Variants in ST3GAL3 observed in about 807,000 individuals in gnomAD.
ST3GAL3 encodes the protein ST3 beta-galactoside alpha-2,3-sialyltransferase 3.
A neutral mutation model predicts 50.1 loss-of-function variants in ST3GAL3; 21 were observed. That is an observed-to-expected ratio of 0.42 (90% CI 0.30 to 0.60). ST3GAL3 has a LOEUF of 0.60. Ranked by LOEUF, ST3GAL3 falls within the 20% of genes least tolerant of loss-of-function variation. The pLI is 0.19. For missense variants in ST3GAL3, 353 were observed against 489.4 expected (o/e 0.72, Z 2.63); for synonymous variants, 183 against 190.0 (o/e 0.96, Z 0.30).
intron 1 of ST3GAL3, among the ~76,000 whole-genome samples, chr1:43,725,836 G>A (rs1183487977): frequency 2.0e-5 from 3 of 151,854 alleles, no homozygotes; most frequent in African/African-American, 7.3e-5. Context: ...TTGTAGAGAC[G>A]GTTTCGCTAT....
intron 3 of ST3GAL3, among the ~76,000 whole-genome samples, chr1:43,807,283 G>A (rs1440871925): frequency 1.3e-5 from 2 of 152,048 alleles, no homozygotes; most frequent in African/African-American, 4.8e-5. Flanking sequence ...GGGCGTGGTG[G>A]CACACCCCTG....
chr1:43,762,776 T>A (rs544796137), intron 2 of ST3GAL3, among the ~76,000 whole-genome samples: 1 of 152,152 alleles, frequency 6.6e-6, no homozygotes, highest in Admixed American at 6.5e-5. Flanking sequence ...AGAAAACTGA[T>A]AGCTGGAAGA....
chr1:43,858,117 T>C (rs1380055438), intron 5 of ST3GAL3: 2 of 1,289,382 alleles, frequency 1.6e-6, no homozygotes, highest in Admixed American at 4.6e-5. Flanking sequence ...CTTCCTCATC[T>C]GTACCTATCT....
intron 2 of ST3GAL3, among the ~76,000 whole-genome samples, chr1:43,779,855 C>T (rs1197428925): frequency 6.6e-6 from 1 of 152,098 alleles, no homozygotes; most frequent in Non-Finnish European, 1.5e-5. Flanking sequence ...CTAATTCAAC[C>T]CTAAACTCTT....
intron 10 of ST3GAL3, 116 bp downstream of exon 10, chr1:43,920,666 G>A: frequency 6.2e-7 from 1 of 1,605,950 alleles, no homozygotes; most frequent in Non-Finnish European, 8.5e-7. Flanking sequence ...CTGGGGAAGA[G>A]GGCTCAGTCC....
At chr1:43,739,838 G>C (rs1680064019) in intron 2 of ST3GAL3, among the ~76,000 whole-genome samples, 1 of 152,072 alleles carries the variant, frequency 6.6e-6, no homozygotes, top group Non-Finnish European at 1.5e-5. Flanking sequence ...GCTTGGTCAG[G>C]TTGCCAAGAC....
At chr1:43,748,360 T>G (rs553071929) in intron 2 of ST3GAL3, among the ~76,000 whole-genome samples, 1 of 151,228 alleles carries the variant, frequency 6.6e-6, no homozygotes, top group South Asian at 2.1e-4. Flanking sequence ...TAAAGACATC[T>G]AAATAAGGAG....
intron 11 of ST3GAL3, 29 bp from the exon 12 acceptor site, chr1:43,930,103 C>G: frequency 6.2e-7 from 1 of 1,607,340 alleles, no homozygotes; most frequent in Non-Finnish European, 8.5e-7. Flanking sequence ...GAGCAAAGGC[C>G]CAACTGATCA....
At chr1:43,868,107 G>A (rs1233682140) in intron 5 of ST3GAL3, among the ~76,000 whole-genome samples, 4 of 152,100 alleles carry the variant, frequency 2.6e-5, no homozygotes, top group African/African-American at 9.7e-5. Context: ...CAAAAAACTG[G>A]AAACACCCTA....
intron 3 of ST3GAL3, among the ~76,000 whole-genome samples, chr1:43,800,297 A>T (rs2059171349): frequency 6.6e-6 from 1 of 152,208 alleles, no homozygotes; most frequent in Non-Finnish European, 1.5e-5. Context: ...ATTTTAGAAA[A>T]ATGCTTTTCC....
intron 1 of ST3GAL3, chr1:43,720,426 A>G (rs1669846280): frequency 6.6e-6 from 1 of 152,218 alleles, no homozygotes. Flanking sequence ...TACTATAACA[A>G]TAGCTAAGAC....
intron 6 of ST3GAL3, among the ~76,000 whole-genome samples, chr1:43,895,483 G>A (rs2077263351): frequency 6.6e-6 from 1 of 152,218 alleles, no homozygotes; most frequent in South Asian, 2.1e-4. Flanking sequence ...TTTACTAGCT[G>A]TGACCCTGGA....
At position 43,869,378 on chromosome 1, in the gene ST3GAL3, C is replaced by T. The variant is rs541974021; in HGVS notation, c.303-25005C>T. The stretch of plus-strand genomic sequence containing the variant: ...ATGTCTCTTGCCAGACATCTCTGCC[C>T]GTATAGGGTATCATAAAGGGCCCCT... On this transcript the variant is annotated intron_variant, in intron 5 of 11. Transcript: ENST00000347631. Among the ~76,000 whole-genome samples the T allele has an allele frequency of 3.9e-5, 6 of 152,226 alleles. No individual in the cohort carries two copies. The East Asian group carries it at 5.8e-4, about 15-fold the overall frequency.
chr1:43,744,540 G>A (rs1435575815), intron 2 of ST3GAL3, among the ~76,000 whole-genome samples: 2 of 151,578 alleles, frequency 1.3e-5, no homozygotes, highest in East Asian at 1.9e-4. Flanking sequence ...CACACCTGGC[G>A]GCATCATCTT....
At chr1:43,926,327 G>A (rs967102245) in intron 11 of ST3GAL3, among the ~76,000 whole-genome samples, 34 of 152,186 alleles carry the variant, frequency 2.2e-4, no homozygotes, top group Admixed American at 2.0e-4. Flanking sequence ...GGTCCCTCAC[G>A]CCTGTAATCC....
chr1:43,911,737 G>C (rs1344183636), intron 9 of ST3GAL3: 3 of 150,956 alleles, frequency 2.0e-5, no homozygotes, highest in Non-Finnish European at 4.4e-5. Flanking sequence ...ACCCAGGCTG[G>C]AGTGCAGTGG....
intron 4 of ST3GAL3, among the ~76,000 whole-genome samples, chr1:43,816,004 G>A (rs1229447324): frequency 1.3e-5 from 2 of 152,086 alleles, no homozygotes; most frequent in East Asian, 1.9e-4. Flanking sequence ...TACTCTGTGT[G>A]TTCATGTCCC....
Position 43,917,495 on chromosome 1 carries a change from T to C in ST3GAL3, c.745-2909T>C, listed in dbSNP as rs1252160004. On this transcript the variant is annotated intron_variant, in intron 9 of 11. Coordinates refer to ENST00000347631, the MANE Select transcript of ST3GAL3 (RefSeq NM_006279.5). ...TATAATATATATAATATATAATATA[T>C]ATAATATATTATATAATATAATATA... 4.2e-5 allele frequency among the ~76,000 whole-genome samples: 3 copies of C among 71,540 alleles called. 1 individual carries two copies. The highest frequency in any genetic ancestry group is 5.3e-5 in the Non-Finnish European group (2 of 37,702). 46.9% of individuals were successfully genotyped at this position (71,540 alleles called of 152,430 possible).
chr1:43,898,330 C>G, intron 7 of ST3GAL3, 32 bp downstream of exon 7: 1 of 1,610,608 alleles, frequency 6.2e-7, no homozygotes, highest in Non-Finnish European at 8.5e-7. Context: ...CTCCTACCCA[C>G]CGCTGCCTGG....
Sources: allele counts gnomAD v4.1 joint callset (sites outside exome capture counted in the v4.1 genomes callset), GRCh38; gene constraint gnomAD v4.1.1; transcripts MANE v1.5; gene names NCBI Gene and HGNC (gene_info 2026-07-23, HGNC 2026-07-21).